The following DNAH17 variants were observed in gnomAD, a reference collection of about 807,000 sequenced individuals.
DNAH17 encodes the protein dynein axonemal heavy chain 17, also known as axonemal beta dynein heavy chain 17.
DNAH17 carries 376 observed loss-of-function variants against 485.6 expected under a neutral mutation model. That is an observed-to-expected ratio of 0.77 (90% CI 0.71 to 0.84). The LOEUF is 0.84. Ranked by LOEUF, DNAH17 falls within the 40% of genes least tolerant of loss-of-function variation. DNAH17 has a pLI of 0.00. For missense variants in DNAH17, 6,370 were observed against 5,839.3 expected (o/e 1.09, Z -2.96); for synonymous variants, 3,031 against 2,405.9 (o/e 1.26, Z -7.60).
intron 14 of DNAH17, among the ~76,000 whole-genome samples, chr17:78,554,250 G>T (rs562362008): frequency 6.6e-6 from 1 of 151,902 alleles, no homozygotes; most frequent in Non-Finnish European, 1.5e-5. Context: ...GACCAGCCTG[G>T]CCAACATGGT....
chr17:78,553,730 G>C (rs543935931), intron 14 of DNAH17, among the ~76,000 whole-genome samples: 21 of 152,234 alleles, frequency 1.4e-4, no homozygotes, highest in African/African-American at 4.8e-4. Context: ...TTATGTTATA[G>C]TATTCCTATC....
In DNAH17 at chr17:78,480,059, A is replaced by G; in HGVS notation, c.7753-427T>C. The stretch of plus-strand genomic sequence containing the variant: ...TTTTTTTTTTTTTTTTAAAAAAAGT[A>G]TGTCCCAGGCCGGGCACGGTGACTC... On this transcript the variant is annotated intron_variant, in intron 49 of 80. Transcript: ENST00000389840. 2.7e-5 allele frequency among the ~76,000 whole-genome samples: 2 copies of G among 74,938 alleles called. 1 individual carries two copies. Among genetic ancestry groups the G allele is most frequent in the African/African-American group, 8.5e-5 (2 of 23,650 alleles). 49.2% of individuals were successfully genotyped at this position (74,938 alleles called of 152,430 possible).
intron 16 of DNAH17, among the ~76,000 whole-genome samples, chr17:78,544,883 A>T (rs2091714003): frequency 6.7e-6 from 1 of 149,524 alleles, no homozygotes; most frequent in Non-Finnish European, 1.5e-5. Context: ...CTGTCATTAG[A>T]TTTTTTTTCC....
chr17:78,430,445 T>C (rs1452756266), intron 75 of DNAH17, among the ~76,000 whole-genome samples: 1 of 152,222 alleles, frequency 6.6e-6, no homozygotes, highest in Non-Finnish European at 1.5e-5. Context: ...GCAGATGTTT[T>C]CATAACATCA....
At position 78,574,689 on chromosome 17, in the gene DNAH17, G is replaced by A. The variant is rs12946156; in HGVS notation, c.345+24C>T. 0.23 allele frequency: 363,341 copies of A among 1,569,698 alleles called. 45,157 individuals carry two copies. Among genetic ancestry groups the A allele is most frequent in the East Asian group, 0.49 (21,834 of 44,376 alleles). ...AGAAGTCGGTCGTGCTCGACACCCC[G>A]GATGGCAGCCTGGACGCACTCACCT... On this transcript the variant is annotated intron_variant, in intron 2 of 80. Coordinates refer to ENST00000389840, the MANE Select transcript of DNAH17 (RefSeq NM_173628.4).
At chr17:78,436,226 AGGCCAGCGT>A (rs1347638608) in intron 74 of DNAH17, among the ~76,000 whole-genome samples, 1 of 152,204 alleles carries the variant, frequency 6.6e-6, no homozygotes, top group African/African-American at 2.4e-5. Context: ...GAGGAGTTTA[AGGCCAGCGT>A]GGCCAACATG....
intron 71 of DNAH17, among the ~76,000 whole-genome samples, chr17:78,441,632 T>C (rs1292690314): frequency 6.6e-6 from 1 of 152,192 alleles, no homozygotes; most frequent in African/African-American, 2.4e-5. Context: ...CTTTCTAACA[T>C]GACCCCAATA....
intron 15 of DNAH17, among the ~76,000 whole-genome samples, 188 bp downstream of exon 15, chr17:78,552,509 G>C (rs1328949880): frequency 8.3e-6 from 1 of 120,882 alleles, no homozygotes; most frequent in Non-Finnish European, 1.7e-5. Context: ...TGACACAGAT[G>C]GGCTTTTTTT....
intron 30 of DNAH17, 145 bp downstream of exon 30, chr17:78,506,575 A>C: frequency 8.3e-7 from 1 of 1,203,264 alleles, no homozygotes; most frequent in Non-Finnish European, 1.1e-6. Context: ...ACCCCAGGGC[A>C]GCTTCTGGTG....
Position 78,475,310 on chromosome 17 carries a change from G to A in DNAH17, c.8479C>T (p.Leu2827Phe). Residue 2827 changes from leucine to phenylalanine, a missense_variant, in exon 54 of 81, where the codon CTC becomes TTC. Leu to Phe is a conservative substitution (Grantham distance 22). Coordinates refer to ENST00000389840, the MANE Select transcript of DNAH17 (RefSeq NM_173628.4). ...ISGLDVFQIT[L>F]KKGYGIPDLK... ...TCGGGGATCCCGTAGCCCTTCTTGA[G>A]GGTGATCTGAAACACGTCAAGCCCG... is the stretch of plus-strand genomic sequence containing the variant. 6.2e-7 allele frequency: 1 copy of A among 1,613,982 alleles called. No homozygotes were observed. Among genetic ancestry groups the A allele is most frequent in the Non-Finnish European group, 8.5e-7 (1 of 1,179,884 alleles).
chr17:78,428,946 AG>A (rs372790238), intron 76 of DNAH17, among the ~76,000 whole-genome samples, 174 bp downstream of exon 76: 4 of 145,670 alleles, frequency 2.7e-5, no homozygotes, highest in African/African-American at 1.0e-4. Context: ...AAAAAAAAAA[AG>A]GTTGTTTGTA....
At position 78,511,030 on chromosome 17, in the gene DNAH17, T is replaced by TC. The variant is rs1362066102; in HGVS notation, c.4114-525dup. Among the ~76,000 whole-genome samples, 14 of 152,198 alleles carry TC rather than the reference T, an allele frequency of 9.2e-5. No individual in the cohort carries two copies. In the East Asian group the frequency reaches 1.9e-3, roughly 21 times the overall value. Reference sequence around the variant, plus strand: ...AAGCTGGAGGAGGCAGGAAGGACCCTCCCCCGGAGCCTCTAGAAGGAGTGC... The same window carrying TC: ...AAGCTGGAGGAGGCAGGAAGGACCCTCCCCCCGGAGCCTCTAGAAGGAGTGC... On this transcript the variant is annotated intron_variant, in intron 26 of 80. Transcript: ENST00000389840.
intron 48 of DNAH17, 94 bp downstream of exon 48, chr17:78,484,774 T>A (rs545143708): frequency 2.9e-4 from 57 of 199,154 alleles, no homozygotes; most frequent in Middle Eastern, 1.7e-3. Context: ...CCTGCCCTAC[T>A]GCCCTGGGGC....
Position 78,444,623 on chromosome 17 carries a change from G to C in DNAH17, c.11509C>G (p.Arg3837Gly). The C allele has an allele frequency of 1.9e-6, 3 of 1,578,980 alleles. No individual in the cohort carries two copies. The highest frequency in any genetic ancestry group is 1.2e-5 in the South Asian group (1 of 86,452). Reference sequence around the variant, plus strand: ...ACTCACTTGATAGCGTAGGTCATGCGATCTGGCCGCAGGCAGCGCACCATG... The same window carrying C: ...ACTCACTTGATAGCGTAGGTCATGCCATCTGGCCGCAGGCAGCGCACCATG... ...LCMVRCLRPD[R>G]MTYAIKNFVE... Residue 3837 changes from arginine to glycine, a missense_variant, in exon 71 of 81, where the codon CGC (arginine) becomes GGC (glycine). Transcript: ENST00000389840.
intron 14 of DNAH17, among the ~76,000 whole-genome samples, chr17:78,557,553 C>A (rs2092051617): frequency 7.0e-6 from 1 of 143,614 alleles, no homozygotes; most frequent in Admixed American, 7.2e-5. Context: ...CCAGGAGAAT[C>A]GCTTGAACTT....
In DNAH17 at chr17:78,501,778, G is replaced by A. The variant is rs769705961; in HGVS notation, c.5286C>T (p.His1762=). 1.1e-5 allele frequency: 18 copies of A among 1,613,916 alleles called. 1 individual carries two copies. The highest frequency in any genetic ancestry group is 9.9e-5 in the South Asian group (9 of 91,090). Residue 1762 remains histidine (H), a synonymous_variant, in exon 34 of 81, where the codon CAC becomes CAT. Transcript: ENST00000389840. ...TCATTTTGGCCACCACGTCCCGTGC[G>A]TGCACATCGATGGTGCAGATGGTCA... ...KIMTICTIDV[H]ARDVVAKMIV... is the part of the protein sequence containing the mutation.
intron 20 of DNAH17, among the ~76,000 whole-genome samples, chr17:78,532,088 T>C (rs1000342574): frequency 2.0e-5 from 3 of 152,154 alleles, no homozygotes; most frequent in Non-Finnish European, 2.9e-5. Context: ...TCAGCCCTCA[T>C]CTCCCTGAGG....
In DNAH17 at chr17:78,426,558, C is replaced by T; in HGVS notation, c.12814G>A (p.Ala4272Thr). The change falls in exon 79 of 81, where the codon GCT becomes ACT. Residue 4272 changes from alanine (A) to threonine (T), a missense_variant. Ala to Thr is a moderately conservative substitution (Grantham distance 58, BLOSUM62 0). Transcript: ENST00000389840. Reference protein sequence around the residue: ...ITTDVEDLSTALFYDTVPDTW... With the variant: ...ITTDVEDLSTTLFYDTVPDTW... The stretch of plus-strand genomic sequence containing the variant: ...TCAGGCACGGTGTCATAGAAGAGAG[C>T]CGTGGACAGATCTTCCACGTCGGTC... 1.2e-6 allele frequency: 2 copies of T among 1,613,350 alleles called. No individual in the cohort carries two copies. The highest frequency in any genetic ancestry group is 8.5e-7 in the Non-Finnish European group (1 of 1,179,510).
chr17:78,425,854 C>T (rs2086432600), intron 79 of DNAH17, among the ~76,000 whole-genome samples: 1 of 150,554 alleles, frequency 6.6e-6, no homozygotes, highest in South Asian at 2.1e-4. Context: ...CAACCTCCGC[C>T]TCCCGGGTTC....
Sources: gnomAD v4.1 joint callset for allele counts (sites outside exome capture counted in the v4.1 genomes callset) on GRCh38, gnomAD v4.1.1 for gene constraint, MANE v1.5 for transcripts, NCBI Gene and HGNC (gene_info 2026-07-23, HGNC 2026-07-21) for gene names.